PMPCB: variants seen among roughly 807,000 people sequenced by gnomAD.
PMPCB encodes the protein peptidase, mitochondrial processing subunit beta.
Under a neutral mutation model 61.5 loss-of-function variants are expected in PMPCB, and 46 were observed. The ratio of observed to expected loss-of-function variants is 0.75; its 90% CI spans 0.59 to 0.96. The LOEUF (loss-of-function observed/expected upper bound fraction) is 0.96. PMPCB is among the 40% of genes least tolerant of loss of function. The pLI, the probability that PMPCB is intolerant of heterozygous loss-of-function variation, is 0.00. For missense variants in PMPCB, 590 were observed against 602.4 expected, an observed-to-expected ratio of 0.98 and a Z score of 0.22; for synonymous variants, 191 against 201.6, an observed-to-expected ratio of 0.95 and a Z score of 0.44.
chr7:103,344,788 T>G, the PMPCB span: 1 of 668,372 alleles, frequency 1.5e-6, no homozygotes, highest in Admixed American at 2.5e-5. Context: ...GGGATGGATC[T>G]TTCGTGGTGT....
downstream of PMPCB, chr7:103,315,655 C>T: frequency 1.5e-6 from 1 of 654,660 alleles, no homozygotes; most frequent in Non-Finnish European, 2.6e-6. Context: ...TTCCAGTCTG[C>T]TAAACATTTT....
chr7:103,345,937 C>T, the PMPCB span, among the ~76,000 whole-genome samples: 4 of 151,120 alleles, frequency 2.6e-5, no homozygotes, highest in Non-Finnish European at 5.9e-5. Flanking sequence ...AGTGAGACCC[C>T]GTCTTTAAAA....
chr7:103,332,652 G>A (rs1224161713), downstream of PMPCB, among the ~76,000 whole-genome samples: 1 of 151,770 alleles, frequency 6.6e-6, no homozygotes, highest in Non-Finnish European at 1.5e-5. Context: ...AGGGGATGGG[G>A]ACAGGGTCTT....
At chr7:103,341,820 C>T in the PMPCB span, 1 of 1,609,962 alleles carries the variant, frequency 6.2e-7, no homozygotes, top group Admixed American at 1.7e-5. Flanking sequence ...AACTGCAATT[C>T]TTCATCTTCT....
intron 10 of PMPCB, 38 bp downstream of exon 10, chr7:103,311,766 G>T: frequency 6.3e-7 from 1 of 1,599,328 alleles, no homozygotes; most frequent in Non-Finnish European, 8.6e-7. Flanking sequence ...TCATATGGTT[G>T]ATCTGTATTC....
chr7:103,302,107 A>T (rs990390138), intron 4 of PMPCB, among the ~76,000 whole-genome samples: 5 of 152,150 alleles, frequency 3.3e-5, no homozygotes, highest in African/African-American at 1.2e-4. Flanking sequence ...AGCTTCATCC[A>T]TGTCCCTACA....
chr7:103,308,901 G>A (rs1817661568), intron 7 of PMPCB, 51 bp from the exon 8 acceptor site: 2 of 1,418,368 alleles, frequency 1.4e-6, no homozygotes, highest in Admixed American at 2.5e-5. Flanking sequence ...TAATAAGCAT[G>A]TTATATAATG....
In PMPCB at chr7:103,312,447, C is replaced by T; in HGVS notation, c.*176C>T. On this transcript the variant is annotated 3_prime_UTR_variant, in exon 13 of 13. Coordinates refer to ENST00000249269, the MANE Select transcript of PMPCB (RefSeq NM_004279.3). ...TTTGTATTAATGGTCAGTCTTTGTT[C>T]TCTGAGAAATTATGTTGGAAGCAGC... 1.3e-6 allele frequency: 2 copies of T among 1,522,330 alleles called. No homozygotes were observed. The highest frequency in any genetic ancestry group is 1.7e-6 in the Non-Finnish European group (2 of 1,143,682). The allele number at this position is 1,522,330 out of a possible 1,614,324, so 94.3% of individuals were successfully genotyped here.
downstream of PMPCB, among the ~76,000 whole-genome samples, chr7:103,333,951 A>AT (rs1213072243): frequency 7.7e-3 from 1,071 of 139,474 alleles, 14 homozygotes; most frequent in African/African-American, 0.019. Context: ...TGTTGTGAAC[A>AT]TTTTTTTTTT....
intron 4 of PMPCB, among the ~76,000 whole-genome samples, chr7:103,301,588 C>T (rs561230687): frequency 5.7e-4 from 87 of 152,216 alleles, no homozygotes; most frequent in African/African-American, 2.0e-3. Context: ...TAGCTGGGAA[C>T]GACAGAGCTT....
intron 12 of PMPCB, chr7:103,324,589 C>T: frequency 2.8e-6 from 4 of 1,417,066 alleles, no homozygotes; most frequent in South Asian, 2.8e-5. Flanking sequence ...AATATTCTTA[C>T]AATTCTTCAA....
At chr7:103,307,508 T>A (rs993266012) in intron 6 of PMPCB, 88 bp from the exon 7 acceptor site, 2 of 737,636 alleles carry the variant, frequency 2.7e-6, no homozygotes, top group Admixed American at 4.2e-5. Context: ...ATAGTTCATG[T>A]GTAATGTACA....
At chr7:103,299,780 A>AT (rs1163078721) in intron 3 of PMPCB, among the ~76,000 whole-genome samples, 2 of 151,646 alleles carry the variant, frequency 1.3e-5, no homozygotes, top group Non-Finnish European at 2.9e-5. Flanking sequence ...TTTTTATTTA[A>AT]TTTTTTTTGA....
chr7:103,312,172 A>G (rs1422037904), intron 12 of PMPCB, 35 bp from the exon 13 acceptor site: 2 of 1,613,916 alleles, frequency 1.2e-6, no homozygotes, highest in Non-Finnish European at 8.5e-7. Context: ...AAGTTGGCCA[A>G]GTACTTTTAA....
the PMPCB span, chr7:103,344,552 C>T: frequency 6.2e-7 from 1 of 1,613,734 alleles, no homozygotes; most frequent in Non-Finnish European, 8.5e-7. Flanking sequence ...GTTGGGTGGG[C>T]ACTTACCAGA....
chr7:103,316,999 C>A (rs1818098873), downstream of PMPCB: 1 of 1,613,098 alleles, frequency 6.2e-7, no homozygotes, highest in African/African-American at 1.3e-5. Flanking sequence ...CTGATTTGCT[C>A]ATTTATTTCT....
chr7:103,314,139 G>A lies in PMPCB; in HGVS notation c.*1868G>A, dbSNP rs1817913440. On this transcript the variant is annotated 3_prime_UTR_variant, in exon 13 of 13. Transcript: ENST00000249269. The stretch of plus-strand genomic sequence containing the variant: ...AAGCTTTTTTGAAGGTAGCTTTTAA[G>A]TTCTAGGAAGTCTTTTGTTGAATTT... 3.0e-6 allele frequency: 3 copies of A among 985,386 alleles called. No homozygotes were observed. The highest frequency in any genetic ancestry group is 1.7e-5 in the African/African-American group (1 of 57,342). The allele number at this position is 985,386 out of a possible 1,614,324, so 61.0% of individuals were successfully genotyped here.
chr7:103,298,779 A>G, intron 2 of PMPCB, 71 bp downstream of exon 2: 1 of 1,460,068 alleles, frequency 6.8e-7, no homozygotes, highest in South Asian at 1.2e-5. Context: ...TTTAATCTTT[A>G]GCTTTTTCGT....
chr7:103,310,642 T>G, intron 9 of PMPCB, 167 bp downstream of exon 9: 1 of 469,552 alleles, frequency 2.1e-6, no homozygotes, highest in Non-Finnish European at 3.7e-6. Context: ...TTTTCCTAAG[T>G]CTCAAGATGT....
Sources: gnomAD v4.1 joint callset for allele counts (sites outside exome capture counted in the v4.1 genomes callset) on GRCh38, gnomAD v4.1.1 for gene constraint, MANE v1.5 for transcripts, NCBI Gene and HGNC (gene_info 2026-07-23, HGNC 2026-07-21) for gene names.